Variants in ZCCHC2 observed in about 807,000 individuals in gnomAD.
ZCCHC2 encodes the protein zinc finger CCHC-type containing 2, also known as zinc finger CCHC domain-containing protein 2.
In ZCCHC2, 39 loss-of-function variants were observed where a neutral mutation model predicts 103.6. The observed-to-expected ratio is 0.38, with a 90% CI of 0.29 to 0.49. The LOEUF (loss-of-function observed/expected upper bound fraction) is 0.49, where lower values mean the gene tolerates loss of function less well. Ranked by LOEUF, ZCCHC2 falls within the 20% of genes least tolerant of loss-of-function variation. The pLI, the probability that ZCCHC2 is intolerant of heterozygous loss-of-function variation, is 0.96. For missense variants in ZCCHC2, 1,483 were observed against 1,491.0 expected (o/e 0.99, Z 0.09); for synonymous variants, 687 against 608.9 (o/e 1.13, Z -1.89).
chr18:62,569,833 T>C (rs538996759), intron 11 of ZCCHC2, among the ~76,000 whole-genome samples: 34 of 152,240 alleles, frequency 2.2e-4, no homozygotes, highest in Non-Finnish European at 3.2e-4. Context: ...CAAAGTGATA[T>C]TATTGGACAG....
In ZCCHC2 at chr18:62,574,807, C is replaced by T. The variant is rs1458265054; in HGVS notation, c.2726C>T (p.Ala909Val). The change falls in exon 13 of 14, where the codon GCT (alanine) becomes GTT (valine). Residue 909 changes from alanine (A) to valine (V), a missense_variant. Ala to Val is a moderately conservative substitution (Grantham distance 64, BLOSUM62 0). Transcript: ENST00000269499. The stretch of plus-strand genomic sequence containing the variant: ...GTTCTTCCAGCAGCTGGCCTCTCAG[C>T]TGCTCAGCCACCAGCTTCCTACCCC... ...KVVLPAAGLS[A>V]AQPPASYPLP... 2 of 1,613,888 alleles carry T rather than the reference C, an allele frequency of 1.2e-6. No homozygotes were observed.
chr18:62,562,981 C>T (rs781216207), intron 8 of ZCCHC2, 28 bp from the exon 9 acceptor site: 25 of 1,590,584 alleles, frequency 1.6e-5, no homozygotes, highest in Non-Finnish European at 2.1e-5. Context: ...GGCAGATTTT[C>T]ACACTTTCAT....
intron 2 of ZCCHC2, 56 bp from the exon 3 acceptor site, chr18:62,542,442 T>C (rs1203901998): frequency 6.6e-5 from 94 of 1,423,038 alleles, no homozygotes; most frequent in Non-Finnish European, 8.7e-5. Flanking sequence ...TTTAGGTAAG[T>C]GAAATGTGTC....
intron 1 of ZCCHC2, among the ~76,000 whole-genome samples, chr18:62,538,260 CAA>C (rs35609138): frequency 3.1e-4 from 38 of 122,630 alleles, no homozygotes; most frequent in African/African-American, 8.3e-4. Context: ...GACCCTGTCT[CAA>C]AAAAAAAAAA....
chr18:62,556,270 A>T lies in ZCCHC2; in HGVS notation c.1381A>T (p.Ile461Leu). 6.2e-7 allele frequency: 1 copy of T among 1,605,350 alleles called. No individual in the cohort carries two copies. The highest frequency in any genetic ancestry group is 8.5e-7 in the Non-Finnish European group (1 of 1,175,550). The change falls in exon 6 of 14, where the codon ATA becomes TTA. Residue 461 changes from isoleucine to leucine, a missense_variant. Ile to Leu is a conservative substitution (Grantham distance 5). Transcript: ENST00000269499. Reference protein sequence around the residue: ...SQKVHSFFQSISSDSLHSINN... With the variant: ...SQKVHSFFQSLSSDSLHSINN... ...GAAAGTACACAGCTTCTTTCAGTCC[A>T]TATCATCAGACTCCCTACACAGTAT...
chr18:62,551,970 G>A (rs1915683673), intron 5 of ZCCHC2: 1 of 152,114 alleles, frequency 6.6e-6, no homozygotes, highest in South Asian at 2.1e-4. Context: ...CCCCTCCTGA[G>A]TAGGGAATTG....
rs1201085952 is a variant in ZCCHC2 at position 62,524,104 on chromosome 18, GCGAGCAGGACGC to G, written c.685_696del (p.Gln229_Glu232del). Reference sequence around the variant, plus strand: ...GACGAGCGCGGCGAGGACGGCGACGGCGAGCAGGACGCCGAGAAGGACGGCTCAGGCCCGGAA... The same window carrying G: ...GACGAGCGCGGCGAGGACGGCGACGGCGAGAAGGACGGCTCAGGCCCGGAA... On this transcript the variant is annotated inframe_deletion, in exon 1 of 14. Coordinates refer to ENST00000269499, the MANE Select transcript of ZCCHC2 (RefSeq NM_017742.6). 1 of 1,521,832 alleles carries G rather than the reference GCGAGCAGGACGC, an allele frequency of 6.6e-7. No homozygotes were observed. The highest frequency in any genetic ancestry group is 1.2e-5 in the South Asian group (1 of 82,282). 94.3% of individuals were successfully genotyped at this position (1,521,832 alleles called of 1,614,324 possible).
chr18:62,527,306 A>G lies in ZCCHC2; in HGVS notation c.939+2943A>G, dbSNP rs1914474351. Among the ~76,000 whole-genome samples the G allele has an allele frequency of 2.6e-5, 4 of 151,988 alleles. No individual in the cohort carries two copies. The South Asian group carries it at 8.3e-4, about 32-fold the overall frequency. ...AACTAATGACATTTACAGACAGAAC[A>G]TGTCTTTAATGCCAATTTTATATTA... On this transcript the variant is annotated intron_variant, in intron 1 of 13. Coordinates refer to ENST00000269499, the MANE Select transcript of ZCCHC2 (RefSeq NM_017742.6).
exon 15 of ZCCHC2, chr18:62,585,966 C>G (rs900468757): frequency 6.6e-6 from 1 of 152,180 alleles, no homozygotes; most frequent in African/African-American, 2.4e-5. Context: ...AGGTTGCTGC[C>G]CCACGCCACC....
At chr18:62,546,322 C>A (rs1915406853) in intron 4 of ZCCHC2, among the ~76,000 whole-genome samples, 1 of 152,174 alleles carries the variant, frequency 6.6e-6, no homozygotes, top group Admixed American at 6.5e-5. Flanking sequence ...AAATGAGTGC[C>A]TGAATGACGT....
chr18:62,529,883 A>G (rs1200744512), intron 1 of ZCCHC2, among the ~76,000 whole-genome samples: 2 of 152,232 alleles, frequency 1.3e-5, no homozygotes, highest in Non-Finnish European at 2.9e-5. Flanking sequence ...AGGGAAAAAT[A>G]TTGCACGTGT....
intron 3 of ZCCHC2, 139 bp from the exon 4 acceptor site, chr18:62,544,663 A>G (rs962008776): frequency 3.3e-5 from 21 of 645,092 alleles, no homozygotes; most frequent in African/African-American, 7.7e-5. Context: ...AATTATGACA[A>G]TGCCAGATTA....
At chr18:62,530,625 T>G (rs1914635865) in intron 1 of ZCCHC2, among the ~76,000 whole-genome samples, 1 of 152,076 alleles carries the variant, frequency 6.6e-6, no homozygotes, top group East Asian at 1.9e-4. Context: ...ATTGAAAAGG[T>G]GGTATTTGAG....
chr18:62,542,539 A>C lies in ZCCHC2; in HGVS notation c.1093A>C (p.Lys365Gln). Residue 365 changes from lysine (K) to glutamine (Q), a missense_variant, in exon 3 of 14, where the codon AAA becomes CAA. Lys to Gln is a moderately conservative substitution (Grantham distance 53, BLOSUM62 1). Transcript: ENST00000269499. Reference protein sequence around the residue: ...EKIMLKGVQRKRADKYWEYTF... With the variant: ...EKIMLKGVQRQRADKYWEYTF... The stretch of plus-strand genomic sequence containing the variant: ...GATAATGTTGAAAGGAGTCCAGAGA[A>C]AAAGAGCTGACAAATACTGGGAGTA... 6.4e-7 allele frequency: 1 copy of C among 1,566,246 alleles called. No homozygotes were observed.
chr18:62,572,481 T>C (rs1228452504), intron 12 of ZCCHC2, among the ~76,000 whole-genome samples: 3 of 152,206 alleles, frequency 2.0e-5, no homozygotes, highest in Non-Finnish European at 4.4e-5. Context: ...AAAGAATGGC[T>C]TAGGGCTGTC....
chr18:62,523,986 G>C lies in ZCCHC2; in HGVS notation c.562G>C (p.Ala188Pro). 6.7e-7 allele frequency: 1 copy of C among 1,491,944 alleles called. No individual in the cohort carries two copies. Among genetic ancestry groups the C allele is most frequent in the Non-Finnish European group, 8.9e-7 (1 of 1,125,806 alleles). 92.4% of individuals were successfully genotyped at this position (1,491,944 alleles called of 1,614,324 possible). A position where few individuals can be genotyped will look rare whatever the true frequency, so the allele number is the denominator to read the frequency against. ...GCTGGGCTCGGAGAACCGGGAGGCCGCTGGCCGTCTGCACCGCCTGCTACC... is the reference window on the plus strand; with the variant it reads ...GCTGGGCTCGGAGAACCGGGAGGCCCCTGGCCGTCTGCACCGCCTGCTACC... Reference protein sequence around the residue: ...ALLGSENREAAGRLHRLLPQV... With the variant: ...ALLGSENREAPGRLHRLLPQV... Residue 188 changes from alanine (A) to proline (P), a missense_variant, in exon 1 of 14, where the codon GCT (alanine) becomes CCT (proline). Around this residue, in one of 3 missense-constraint regions of ZCCHC2, gnomAD observed 568 missense variants for 525.1 expected, o/e 1.08. Coordinates refer to ENST00000269499, the MANE Select transcript of ZCCHC2 (RefSeq NM_017742.6).
rs368412063 is a variant in ZCCHC2 at position 62,574,946 on chromosome 18, A to T, written c.2865A>T (p.Ala955=). Residue 955 remains alanine (A), a synonymous_variant, in exon 13 of 14, where the codon GCA becomes GCT. Transcript: ENST00000269499. ...PASAGISQAQ[A]TVPPAVPTHT... is the part of the protein sequence containing the mutation. The stretch of plus-strand genomic sequence containing the variant: ...GCGCAGGTATCAGCCAGGCCCAGGC[A>T]ACTGTTCCTCCTGCAGTTCCTACCC... 195 of 1,613,846 alleles carry T rather than the reference A, an allele frequency of 1.2e-4. 1 individual carries two copies. In the African/African-American group the frequency reaches 2.2e-3, roughly 19 times the overall value.
exon 15 of ZCCHC2, chr18:62,586,281 G>A (rs1394455436): frequency 6.6e-6 from 1 of 151,976 alleles, no homozygotes; most frequent in African/African-American, 2.4e-5. Flanking sequence ...GAACTGATTT[G>A]AAGTTCTTAT....
In ZCCHC2 at chr18:62,574,463, T is replaced by G. The variant is rs1916727729; in HGVS notation, c.2382T>G (p.Pro794=). The change falls in exon 13 of 14, where the codon CCT becomes CCG. Residue 794 remains proline (P), a synonymous_variant. Coordinates refer to ENST00000269499, the MANE Select transcript of ZCCHC2 (RefSeq NM_017742.6). ...KHLELLASPL[P]IPSTFLPHSS... ...TTGAGTTACTGGCTTCCCCTTTACC[T>G]ATTCCATCAACCTTCCTTCCACACA... The G allele has an allele frequency of 1.2e-6, 2 of 1,613,986 alleles. No homozygotes were observed. The highest frequency in any genetic ancestry group is 4.5e-5 in the East Asian group (2 of 44,872).
Sources: allele counts gnomAD v4.1 joint callset (sites outside exome capture counted in the v4.1 genomes callset), GRCh38; gene constraint gnomAD v4.1.1; regional missense constraint gnomAD v4.1.1; transcripts MANE v1.5; gene names NCBI Gene and HGNC (gene_info 2026-07-23, HGNC 2026-07-21).